LGSN: variants seen among roughly 807,000 people sequenced by gnomAD.
The protein encoded by LGSN is lengsin, lens protein with glutamine synthetase domain, also known as lengsin.
LGSN carries 21 observed loss-of-function variants against 19.5 expected under a neutral mutation model. That is an observed-to-expected ratio of 1.07 (90% CI 0.76 to 1.55). LGSN has a LOEUF of 1.55. Ranked by LOEUF, LGSN falls within the 40% of genes most tolerant of loss-of-function variation. The pLI is 0.00. For synonymous variants in LGSN, 257 were observed against 215.6 expected (o/e 1.19, Z -1.68); for missense variants, 673 against 608.5 (o/e 1.11, Z -1.12).
At chr6:63,482,674 C>G in the LGSN span, among the ~76,000 whole-genome samples, 1 of 152,014 alleles carries the variant, frequency 6.6e-6, no homozygotes, top group Non-Finnish European at 1.5e-5. Context: ...TGCAATGAGC[C>G]GAAATCACAC....
chr6:63,337,822 T>C, the LGSN span, among the ~76,000 whole-genome samples: 1 of 151,654 alleles, frequency 6.6e-6, no homozygotes, highest in African/African-American at 2.4e-5. Flanking sequence ...ACAACAAAAA[T>C]ATGCAACATA....
At chr6:63,517,472 CAT>C in the LGSN span, among the ~76,000 whole-genome samples, 1 of 152,162 alleles carries the variant, frequency 6.6e-6, no homozygotes, top group Admixed American at 6.6e-5. Flanking sequence ...GGTATGCACA[CAT>C]GATGCCCCGT....
chr6:63,513,194 C>T, the LGSN span, among the ~76,000 whole-genome samples: 1 of 152,186 alleles, frequency 6.6e-6, no homozygotes. Flanking sequence ...ACCTCATCTA[C>T]TTTCAAACGA....
At chr6:63,462,401 G>A in the LGSN span, among the ~76,000 whole-genome samples, 17 of 152,292 alleles carry the variant, frequency 1.1e-4, no homozygotes, top group African/African-American at 4.1e-4. Context: ...GGGAGGCCAA[G>A]GCAGGTGGAT....
At chr6:63,349,409 C>T in the LGSN span, among the ~76,000 whole-genome samples, 2 of 152,158 alleles carry the variant, frequency 1.3e-5, no homozygotes, top group African/African-American at 4.8e-5. Flanking sequence ...GCAAAAACAC[C>T]TTCTCCTAGG....
At chr6:63,335,287 G>C in the LGSN span, among the ~76,000 whole-genome samples, 18 of 151,858 alleles carry the variant, frequency 1.2e-4, no homozygotes, top group Admixed American at 2.6e-4. Flanking sequence ...ATAGGTAAAA[G>C]ACTTACAAGT....
chr6:63,354,398 C>T, the LGSN span, among the ~76,000 whole-genome samples: 39 of 152,190 alleles, frequency 2.6e-4, no homozygotes, highest in Non-Finnish European at 4.4e-4. Context: ...AAATGTTCAA[C>T]GTCACTAATC....
the LGSN span, among the ~76,000 whole-genome samples, chr6:63,409,561 T>G: frequency 1.2e-4 from 18 of 152,204 alleles, no homozygotes; most frequent in Admixed American, 3.3e-4. Context: ...TTATTTTAAA[T>G]TTCAGCTCTG....
the LGSN span, among the ~76,000 whole-genome samples, chr6:63,375,607 G>T: frequency 6.6e-6 from 1 of 152,074 alleles, no homozygotes; most frequent in East Asian, 1.9e-4. Context: ...TACTTTATTA[G>T]TTGTTGGAGA....
upstream of LGSN, among the ~76,000 whole-genome samples, chr6:63,320,896 G>A (rs945467589): frequency 6.6e-5 from 10 of 152,104 alleles, no homozygotes; most frequent in South Asian, 2.1e-3. Context: ...CATTTCAAAA[G>A]CCCCATTTCC....
At chr6:63,564,886 G>A in the LGSN span, among the ~76,000 whole-genome samples, 1 of 152,170 alleles carries the variant, frequency 6.6e-6, no homozygotes, top group Non-Finnish European at 1.5e-5. Flanking sequence ...GTACCAGTAG[G>A]CAAAACAGTC....
intron 2 of LGSN, among the ~76,000 whole-genome samples, chr6:63,289,017 T>C (rs996164598): frequency 6.6e-6 from 1 of 152,222 alleles, no homozygotes; most frequent in African/African-American, 2.4e-5. Context: ...AGTGTCCAAA[T>C]TGGCACCTGC....
At chr6:63,405,749 A>G in the LGSN span, among the ~76,000 whole-genome samples, 1 of 152,188 alleles carries the variant, frequency 6.6e-6, no homozygotes, top group African/African-American at 2.4e-5. Context: ...ATAAAGAGTT[A>G]AGACCCATCA....
chr6:63,474,338 G>A, the LGSN span, among the ~76,000 whole-genome samples: 3 of 152,244 alleles, frequency 2.0e-5, no homozygotes, highest in African/African-American at 7.2e-5. Context: ...GACGGGCGCA[G>A]TGGTTCATGC....
chr6:63,558,070 C>T, the LGSN span, among the ~76,000 whole-genome samples: 1 of 152,010 alleles, frequency 6.6e-6, no homozygotes, highest in African/African-American at 2.4e-5. Context: ...CGGGGTTTCA[C>T]CATATTGGCC....
the LGSN span, among the ~76,000 whole-genome samples, chr6:63,511,437 G>T: frequency 6.6e-6 from 1 of 151,856 alleles, no homozygotes; most frequent in Non-Finnish European, 1.5e-5. Flanking sequence ...TACTTCATTA[G>T]TAGAGACAGG....
chr6:63,375,357 GTGCT>G, the LGSN span, among the ~76,000 whole-genome samples: 1 of 151,440 alleles, frequency 6.6e-6, no homozygotes, highest in Non-Finnish European at 1.5e-5. Context: ...TATTAGAAGA[GTGCT>G]TGACAACAAT....
chr6:63,289,732 G>A (rs534655277), intron 2 of LGSN, among the ~76,000 whole-genome samples: 34 of 152,084 alleles, frequency 2.2e-4, no homozygotes, highest in Non-Finnish European at 4.7e-4. Flanking sequence ...TAGAGAGCAA[G>A]CCATGGTCAC....
At chr6:63,320,828 C>A (rs374762435), upstream of LGSN, among the ~76,000 whole-genome samples, 1 of 152,278 alleles carries the variant, frequency 6.6e-6, no homozygotes, top group African/African-American at 2.4e-5. Flanking sequence ...GTCTTCTGGG[C>A]CTGAGGAAGA....
Sources: gnomAD v4.1 joint callset for allele counts (sites outside exome capture counted in the v4.1 genomes callset) on GRCh38, gnomAD v4.1.1 for gene constraint, MANE v1.5 for transcripts, NCBI Gene and HGNC (gene_info 2026-07-23, HGNC 2026-07-21) for gene names.